The following VWC2 variants were observed in gnomAD, a reference collection of about 807,000 sequenced individuals.
The protein encoded by VWC2 is brorin.
A neutral mutation model predicts 29.8 loss-of-function variants in VWC2; 14 were observed. That is an observed-to-expected ratio of 0.47 (90% CI 0.31 to 0.74). The LOEUF (loss-of-function observed/expected upper bound fraction) is 0.74, where lower values mean the gene tolerates loss of function less well. Among genes scored for constraint, VWC2 ranks in the 30% least tolerant of loss-of-function variants. VWC2 has a pLI of 0.05. For synonymous variants in VWC2, 213 were observed against 199.0 expected (o/e 1.07, Z -0.59); for missense variants, 457 against 459.8 (o/e 0.99, Z 0.05).
chr7:49,839,526 T>C (rs112652423), intron 3 of VWC2, among the ~76,000 whole-genome samples: 2,211 of 152,056 alleles, frequency 0.015, 36 homozygotes, highest in African/African-American at 0.036. Context: ...GAGAAACCAA[T>C]ATAATAATTG....
intron 2 of VWC2, 54 bp downstream of exon 2, chr7:49,776,185 C>G: frequency 3.5e-6 from 5 of 1,423,116 alleles, no homozygotes; most frequent in Non-Finnish European, 4.7e-6. Context: ...AGGGGTGGAA[C>G]AGCTTTGGTT....
At chr7:49,896,479 A>C (rs1792388662) in intron 3 of VWC2, among the ~76,000 whole-genome samples, 1 of 152,200 alleles carries the variant, frequency 6.6e-6, no homozygotes, top group Non-Finnish European at 1.5e-5. Context: ...CTACTTGAAG[A>C]AACTTGAAAA....
chr7:49,867,900 C>A (rs1456754055), intron 3 of VWC2, among the ~76,000 whole-genome samples: 1 of 151,126 alleles, frequency 6.6e-6, no homozygotes, highest in Non-Finnish European at 1.5e-5. Context: ...ATGGTGCAAT[C>A]TCGGCTCACT....
chr7:49,898,324 T>TA (rs905768195), intron 3 of VWC2, among the ~76,000 whole-genome samples: 6 of 151,574 alleles, frequency 4.0e-5, no homozygotes, highest in South Asian at 2.1e-4. Flanking sequence ...TTTTTTTTTT[T>TA]AAAAAAACCT....
chr7:49,782,921 A>C (rs1323396066), intron 2 of VWC2, among the ~76,000 whole-genome samples: 1 of 152,190 alleles, frequency 6.6e-6, no homozygotes, highest in Non-Finnish European at 1.5e-5. Flanking sequence ...ATAAGAAGTA[A>C]ATAAGATGTA....
intron 2 of VWC2, among the ~76,000 whole-genome samples, chr7:49,794,079 A>T (rs921390488): frequency 1.3e-5 from 2 of 152,218 alleles, no homozygotes; most frequent in Non-Finnish European, 2.9e-5. Context: ...TCCCAGAGAG[A>T]CATAACTGAA....
intron 3 of VWC2, among the ~76,000 whole-genome samples, chr7:49,849,026 C>T (rs1024123561): frequency 1.3e-5 from 2 of 152,186 alleles, no homozygotes; most frequent in Non-Finnish European, 2.9e-5. Flanking sequence ...CTCTATTTCT[C>T]TTTAGGTCCT....
intron 3 of VWC2, among the ~76,000 whole-genome samples, chr7:49,846,839 A>C (rs571123733): frequency 6.6e-6 from 1 of 152,360 alleles, no homozygotes; most frequent in Admixed American, 6.5e-5. Context: ...CAGCCAGAGA[A>C]GTAGGTTCCT....
At chr7:49,895,587 A>G (rs1792345891) in intron 3 of VWC2, among the ~76,000 whole-genome samples, 1 of 152,222 alleles carries the variant, frequency 6.6e-6, no homozygotes, top group Admixed American at 6.5e-5. Flanking sequence ...TTCAAAATTA[A>G]TCATTTTTAA....
At chr7:49,886,924 C>A (rs1481032057) in intron 3 of VWC2, among the ~76,000 whole-genome samples, 1 of 151,914 alleles carries the variant, frequency 6.6e-6, no homozygotes, top group African/African-American at 2.4e-5. Flanking sequence ...TTTATGGGTC[C>A]TTTTTAGTTA....
intron 3 of VWC2, among the ~76,000 whole-genome samples, chr7:49,813,799 A>G (rs1246999386): frequency 6.6e-6 from 1 of 152,224 alleles, no homozygotes; most frequent in East Asian, 1.9e-4. Flanking sequence ...CTCTATCATC[A>G]TATACAGCTA....
intron 3 of VWC2, among the ~76,000 whole-genome samples, chr7:49,881,042 T>C (rs1427791104): frequency 6.6e-6 from 1 of 152,180 alleles, no homozygotes; most frequent in Admixed American, 6.6e-5. Context: ...TTGGGTCCCT[T>C]GGTCCATTCT....
chr7:49,777,906 T>C (rs1788085724), intron 2 of VWC2, among the ~76,000 whole-genome samples: 1 of 152,112 alleles, frequency 6.6e-6, no homozygotes, highest in Non-Finnish European at 1.5e-5. Flanking sequence ...ATTGGTAACA[T>C]CATCGGCTCT....
At chr7:49,833,954 A>G (rs1157065642) in intron 3 of VWC2, among the ~76,000 whole-genome samples, 1 of 152,222 alleles carries the variant, frequency 6.6e-6, no homozygotes, top group East Asian at 1.9e-4. Context: ...AAAGCAACCA[A>G]AGCAGATAAA....
At chr7:49,790,744 C>T (rs1788448198) in intron 2 of VWC2, among the ~76,000 whole-genome samples, 1 of 151,686 alleles carries the variant, frequency 6.6e-6, no homozygotes, top group Admixed American at 6.6e-5. Context: ...CCCCAGGTGG[C>T]AAGGGCCCTT....
intron 3 of VWC2, among the ~76,000 whole-genome samples, chr7:49,899,812 G>A (rs1157402143): frequency 1.3e-5 from 2 of 151,932 alleles, no homozygotes; most frequent in African/African-American, 4.8e-5. Flanking sequence ...AGAGTACCAT[G>A]AGTCAAGTGG....
At chr7:49,832,441 C>T (rs1201026932) in intron 3 of VWC2, among the ~76,000 whole-genome samples, 1 of 151,844 alleles carries the variant, frequency 6.6e-6, no homozygotes, top group East Asian at 1.9e-4. Context: ...AATGAGGTTC[C>T]TATGAGCTGA....
chr7:49,882,482 G>A (rs1030959775), intron 3 of VWC2, among the ~76,000 whole-genome samples: 5 of 152,158 alleles, frequency 3.3e-5, no homozygotes, highest in African/African-American at 9.7e-5. Context: ...GAGGAAGGAA[G>A]AGAGACTGAG....
At chr7:49,800,661 A>G (rs989505218) in intron 2 of VWC2, among the ~76,000 whole-genome samples, 8 of 152,072 alleles carry the variant, frequency 5.3e-5, no homozygotes, top group African/African-American at 1.9e-4. Flanking sequence ...CATGCAATAA[A>G]CCATGTCTCT....
Sources: gnomAD v4.1 joint callset for allele counts (sites outside exome capture counted in the v4.1 genomes callset) on GRCh38, gnomAD v4.1.1 for gene constraint, MANE v1.5 for transcripts, NCBI Gene and HGNC (gene_info 2026-07-23, HGNC 2026-07-21) for gene names.